Variants in NAV2 observed in about 807,000 individuals in gnomAD.
NAV2 encodes the protein neuron navigator 2, also known as helicase, APC down-regulated 1.
Under a neutral mutation model 223.2 loss-of-function variants are expected in NAV2, and 54 were observed. That is an observed-to-expected ratio of 0.24 (90% CI 0.19 to 0.30). The LOEUF is 0.30. NAV2 is among the 10% of genes least tolerant of loss of function. The pLI is 1.00. For missense variants in NAV2, 2,806 were observed against 3,147.5 expected (o/e 0.89, Z 2.60); for synonymous variants, 1,279 against 1,239.3 (o/e 1.03, Z -0.67).
intron 1 of NAV2, among the ~76,000 whole-genome samples, chr11:19,422,496 T>G (rs1590176071): frequency 6.6e-6 from 1 of 152,126 alleles, no homozygotes; most frequent in African/African-American, 2.4e-5. Flanking sequence ...GCGTGGCTGG[T>G]CTGCACAGGA....
chr11:19,496,800 G>C (rs1237952172), intron 1 of NAV2, among the ~76,000 whole-genome samples: 1 of 152,114 alleles, frequency 6.6e-6, no homozygotes, highest in African/African-American at 2.4e-5. Flanking sequence ...ATTCCAAAAA[G>C]TTTACAATGT....
intron 1 of NAV2, among the ~76,000 whole-genome samples, chr11:19,475,892 C>T (rs183823365): frequency 2.6e-5 from 4 of 152,366 alleles, no homozygotes; most frequent in Non-Finnish European, 5.9e-5. Context: ...AGTGGCTGCC[C>T]CTTGGCTCCA....
intron 1 of NAV2, among the ~76,000 whole-genome samples, chr11:19,794,268 C>T (rs976393743): frequency 2.0e-5 from 3 of 152,192 alleles, no homozygotes; most frequent in African/African-American, 2.4e-5. Flanking sequence ...CCATCTAAGC[C>T]AGCGATGGTT....
At chr11:19,733,936 A>G (rs2052041589) in intron 1 of NAV2, among the ~76,000 whole-genome samples, 1 of 152,200 alleles carries the variant, frequency 6.6e-6, no homozygotes, top group Non-Finnish European at 1.5e-5. Flanking sequence ...TAAGAATTTT[A>G]CAAGCATGAA....
intron 26 of NAV2, among the ~76,000 whole-genome samples, chr11:20,090,573 C>G (rs750511969): frequency 6.6e-6 from 1 of 151,636 alleles, no homozygotes; most frequent in Non-Finnish European, 1.5e-5. Context: ...AAAATAGGAA[C>G]AAAGAAAAAG....
chr11:19,425,029 T>A (rs1474399307), intron 1 of NAV2, among the ~76,000 whole-genome samples: 3 of 152,238 alleles, frequency 2.0e-5, no homozygotes, highest in Non-Finnish European at 4.4e-5. Context: ...ATACTATGCT[T>A]GAGGCATTTT....
At chr11:19,588,597 G>T (rs979384680) in intron 1 of NAV2, among the ~76,000 whole-genome samples, 2 of 152,224 alleles carry the variant, frequency 1.3e-5, no homozygotes, top group Non-Finnish European at 2.9e-5. Context: ...GGTTCAAACA[G>T]AAGAAGTGGT....
chr11:20,021,462 CTG>C (rs1222998905), intron 11 of NAV2, among the ~76,000 whole-genome samples: 15 of 152,278 alleles, frequency 9.9e-5, no homozygotes, highest in Admixed American at 9.8e-4. Context: ...GCCCATGTGC[CTG>C]TGTGTCTCCA....
In NAV2 at chr11:20,118,447, C is replaced by A; in HGVS notation, c.*189C>A. 1 of 641,602 alleles carries A rather than the reference C, an allele frequency of 1.6e-6. No individual in the cohort carries two copies. The highest frequency in any genetic ancestry group is 1.8e-5 in the South Asian group (1 of 55,168). 39.7% of individuals were successfully genotyped at this position (641,602 alleles called of 1,614,324 possible). ...TCCCGGGCCAGCTGCCTGCGGACCG[C>A]TTCCTTCCACAGCGAGAACTGCACT... On this transcript the variant is annotated 3_prime_UTR_variant, in exon 38 of 38. Transcript: ENST00000349880.
At chr11:19,790,160 G>T (rs1263187168) in intron 1 of NAV2, among the ~76,000 whole-genome samples, 1 of 152,086 alleles carries the variant, frequency 6.6e-6, no homozygotes, top group African/African-American at 2.4e-5. Flanking sequence ...GACGTGCTTT[G>T]GCCGTTTGAG....
At chr11:19,788,771 A>G (rs985573048) in intron 1 of NAV2, among the ~76,000 whole-genome samples, 2 of 152,218 alleles carry the variant, frequency 1.3e-5, no homozygotes, top group Middle Eastern at 3.4e-3. Context: ...GAGTTTGCCC[A>G]TGGCATTCCC....
Position 19,713,708 on chromosome 11 carries a change from C to G in NAV2, c.13C>G (p.Leu5Val). 6.4e-7 allele frequency: 1 copy of G among 1,573,012 alleles called. No homozygotes were observed. Residue 5 changes from leucine (L) to valine (V), a missense_variant, in exon 1 of 38, where the codon CTG becomes GTG. Around this residue, in one of 4 missense-constraint regions of NAV2, gnomAD observed 1,167 missense variants for 1,180.5 expected, o/e 0.99. Coordinates refer to ENST00000349880, the MANE Select transcript of NAV2 (RefSeq NM_145117.5). The surrounding 1 kb of genome is among the most constrained non-coding windows in gnomAD (Gnocchi z 7.2). MPAI[L>V]VASKMKSGLP... ...GCCCCGGGAGAAGATGCCGGCCATC[C>G]TGGTCGCCTCCAAAATGAAGTCGGG...
At chr11:19,880,149 A>G in intron 5 of NAV2, 22 bp downstream of exon 5, 1 of 1,544,222 alleles carries the variant, frequency 6.5e-7, no homozygotes, top group Non-Finnish European at 8.7e-7. Context: ...TTGCCAACTG[A>G]TGGTTCTGTT....
chr11:19,649,856 G>A (rs541564761), intron 1 of NAV2, among the ~76,000 whole-genome samples: 1 of 152,300 alleles, frequency 6.6e-6, no homozygotes, highest in African/African-American at 2.4e-5. Flanking sequence ...ATCATTGATA[G>A]CCAGGGAAAC....
At chr11:19,648,265 T>C (rs1156504755) in intron 1 of NAV2, among the ~76,000 whole-genome samples, 2 of 152,250 alleles carry the variant, frequency 1.3e-5, no homozygotes, top group African/African-American at 2.4e-5. Context: ...TGTTTCTAGA[T>C]GGTGGAAACA....
chr11:19,607,395 G>A (rs2046508575), intron 1 of NAV2, among the ~76,000 whole-genome samples: 1 of 152,184 alleles, frequency 6.6e-6, no homozygotes. Flanking sequence ...CATGAGCTCT[G>A]GGGAAGGCAG....
chr11:19,834,104 T>C (rs2060100549), intron 2 of NAV2, among the ~76,000 whole-genome samples: 1 of 152,238 alleles, frequency 6.6e-6, no homozygotes. Context: ...TACAAGGGCA[T>C]GAATACCAAA....
At chr11:19,676,766 A>T (rs113922333) in intron 1 of NAV2, among the ~76,000 whole-genome samples, 1 of 152,206 alleles carries the variant, frequency 6.6e-6, no homozygotes, top group African/African-American at 2.4e-5. Flanking sequence ...GGCCACGAGG[A>T]TGCTGTGGTT....
At chr11:19,711,072 T>C (rs1279951611), upstream of NAV2, 3 of 152,224 alleles carry the variant, frequency 2.0e-5, no homozygotes, top group African/African-American at 7.2e-5. Flanking sequence ...GTAGCATGAA[T>C]GATGTGTGAC....
Sources: gnomAD v4.1 joint callset for allele counts (sites outside exome capture counted in the v4.1 genomes callset) on GRCh38, gnomAD v4.1.1 for gene constraint, gnomAD v4.1.1 regional missense constraint, Gnocchi (gnomAD v3.1) non-coding constraint, MANE v1.5 for transcripts, NCBI Gene and HGNC (gene_info 2026-07-23, HGNC 2026-07-21) for gene names.